Variants in ABCB6 observed in about 807,000 individuals in gnomAD.
ABCB6 encodes the protein ATP binding cassette subfamily B member 6 (LAN blood group).
In ABCB6, 87 loss-of-function variants were observed where a neutral mutation model predicts 99.4. The ratio of observed to expected loss-of-function variants is 0.88; its 90% CI spans 0.74 to 1.05. The LOEUF is 1.05. ABCB6 is among the 50% of genes least tolerant of loss of function. The pLI is 0.00. For synonymous variants in ABCB6, 482 were observed against 447.5 expected (o/e 1.08, Z -0.97); for missense variants, 1,050 against 1,097.9 (o/e 0.96, Z 0.62).
Position 219,218,591 on chromosome 2 carries a change from A to C in ABCB6, c.83T>G (p.Phe28Cys). 1 of 1,612,596 alleles carries C rather than the reference A, an allele frequency of 6.2e-7. No individual in the cohort carries two copies. Among genetic ancestry groups the C allele is most frequent in the South Asian group, 1.1e-5 (1 of 91,048 alleles). Residue 28 changes from phenylalanine (F) to cysteine (C), a missense_variant, in exon 1 of 19, where the codon TTC becomes TGC. Transcript: ENST00000265316. The part of the protein sequence containing the change: ...WMQDGLSPCF[F>C]FTLVPSTRMA... The stretch of plus-strand genomic sequence containing the variant: ...CCGCGTCGAGGGCACGAGCGTGAAG[A>C]AGAAGCAGGGACTCAGGCCATCCTG...
At chr2:219,218,058 T>G (rs1950668185) in intron 1 of ABCB6, 67 bp downstream of exon 1, 1 of 1,519,546 alleles carries the variant, frequency 6.6e-7, no homozygotes, top group African/African-American at 1.4e-5. Context: ...GCAGTGTGAC[T>G]GGACATGCAG....
At position 219,218,901 on chromosome 2, in the gene ABCB6, C is replaced by T. The variant is rs1167614887; in HGVS notation, c.-228G>A. Reference sequence around the variant, plus strand: ...ACGCAGGGCACGTACGCCGTCTCAGCACGGCCCCGCTGGCTCTGGGCCCGG... The same window carrying T: ...ACGCAGGGCACGTACGCCGTCTCAGTACGGCCCCGCTGGCTCTGGGCCCGG... On this transcript the variant is annotated 5_prime_UTR_variant, in exon 1 of 19. Coordinates refer to ENST00000265316, the MANE Select transcript of ABCB6 (RefSeq NM_005689.4). 4 of 505,038 alleles carry T rather than the reference C, an allele frequency of 7.9e-6. No individual in the cohort carries two copies. Among genetic ancestry groups the T allele is most frequent in the Non-Finnish European group, 1.4e-5 (4 of 291,198 alleles). The allele number at this position is 505,038 out of a possible 1,614,324, so 31.3% of individuals were successfully genotyped here.
rs1347916690 is a variant in ABCB6, at chr2:219,218,766, T to C, written c.-93A>G. The C allele has an allele frequency of 2.2e-6, 3 of 1,359,092 alleles. No homozygotes were observed. Among genetic ancestry groups the C allele is most frequent in the Non-Finnish European group, 2.9e-6 (3 of 1,026,488 alleles). 84.2% of individuals were successfully genotyped at this position (1,359,092 alleles called of 1,614,324 possible). A position where few individuals can be genotyped will look rare whatever the true frequency, so the allele number is the denominator to read the frequency against. On this transcript the variant is annotated 5_prime_UTR_variant, in exon 1 of 19. Coordinates refer to ENST00000265316, the MANE Select transcript of ABCB6 (RefSeq NM_005689.4). ...AGAGGGGCGCGGACATCCGGGTGCC[T>C]TGGCTCACGTAGCCGCTGGGCGCCA...
In ABCB6 at chr2:219,218,572, C is replaced by T. The variant is rs747508654; in HGVS notation, c.102G>A (p.Ser34=). ...SPCFFFTLVP[S]TRMALGTLAL... is the part of the protein sequence containing the mutation. The stretch of plus-strand genomic sequence containing the variant: ...CCAGAGTCCCCAGAGCCATCCGCGT[C>T]GAGGGCACGAGCGTGAAGAAGAAGC... The change falls in exon 1 of 19, where the codon TCG becomes TCA. Residue 34 remains serine (S), a synonymous_variant. Coordinates refer to ENST00000265316, the MANE Select transcript of ABCB6 (RefSeq NM_005689.4). 6.2e-7 allele frequency: 1 copy of T among 1,612,620 alleles called. No individual in the cohort carries two copies. Among genetic ancestry groups the T allele is most frequent in the Non-Finnish European group, 8.5e-7 (1 of 1,179,702 alleles).
intron 2 of ABCB6, 22 bp downstream of exon 2, chr2:219,217,648 A>C: frequency 6.3e-7 from 1 of 1,576,610 alleles, no homozygotes; most frequent in Non-Finnish European, 8.6e-7. Flanking sequence ...GTCTCCAAAA[A>C]AAAAAAGAAA....
intron 1 of ABCB6, 43 bp from the exon 2 acceptor site, chr2:219,217,850 A>G (rs1352727286): frequency 6.3e-7 from 1 of 1,597,092 alleles, no homozygotes; most frequent in Non-Finnish European, 8.5e-7. Context: ...TGAGGATAAA[A>G]TTTCATTGTA....
At position 219,217,724 on chromosome 2, in the gene ABCB6, G is replaced by C. The variant is rs200655155; in HGVS notation, c.633C>G (p.Pro211=). Residue 211 remains proline (P), a synonymous_variant, in exon 2 of 19, where the codon CCC becomes CCG. Transcript: ENST00000265316. ...VLGLWAPGLR[P]QSYTLQVHEE... ...CATGAACCTGCAATGTATAGGACTG[G>C]GGACGAAGTCCAGGGGCCCAGAGAC... The C allele has an allele frequency of 1.4e-4, 222 of 1,613,974 alleles. No homozygotes were observed. The highest frequency in any genetic ancestry group is 1.7e-4 in the Non-Finnish European group (197 of 1,179,950).
In ABCB6 at chr2:219,216,702, C is replaced by A. The variant is rs1225134091; in HGVS notation, c.818G>T (p.Gly273Val). Residue 273 changes from glycine to valine, a missense_variant, in exon 3 of 19, where the codon GGT (glycine) becomes GTT (valine). By Grantham distance (109) the Gly-to-Val change is moderately radical. Coordinates refer to ENST00000265316, the MANE Select transcript of ABCB6 (RefSeq NM_005689.4). This position sits in a 1 kb window ranked among gnomAD's most constrained non-coding sequence, Gnocchi z 4.2. The part of the protein sequence containing the change: ...LVVLICLGLM[G>V]LERALNVLVP... ...CAACACATTGAGTGCCCGTTCCAAA[C>A]CCATGAGCCCCAGGCAGATGAGCAC... The A allele has an allele frequency of 1.9e-6, 3 of 1,593,614 alleles. No homozygotes were observed. In the East Asian group the frequency reaches 6.9e-5, roughly 37 times the overall value.
Position 219,218,743 on chromosome 2 carries a change from A to C in ABCB6, c.-70T>G. 6.9e-7 allele frequency: 1 copy of C among 1,451,744 alleles called. No homozygotes were observed. Among genetic ancestry groups the C allele is most frequent in the Non-Finnish European group, 9.1e-7 (1 of 1,098,400 alleles). 89.9% of individuals were successfully genotyped at this position (1,451,744 alleles called of 1,614,324 possible). On this transcript the variant is annotated 5_prime_UTR_variant, in exon 1 of 19. Coordinates refer to ENST00000265316, the MANE Select transcript of ABCB6 (RefSeq NM_005689.4). ...GGAGGCCGGGACTGGTCACTCGGAG[A>C]GGGGCGCGGACATCCGGGTGCCTTG...
At position 219,218,718 on chromosome 2, in the gene ABCB6, G is replaced by T; in HGVS notation, c.-45C>A. On this transcript the variant is annotated 5_prime_UTR_variant, in exon 1 of 19. Coordinates refer to ENST00000265316, the MANE Select transcript of ABCB6 (RefSeq NM_005689.4). The stretch of plus-strand genomic sequence containing the variant: ...CCGAGGCTGCGGGCACTGCGGGACC[G>T]GAGGCCGGGACTGGTCACTCGGAGA... 1 of 1,502,344 alleles carries T rather than the reference G, an allele frequency of 6.7e-7. No individual in the cohort carries two copies. The highest frequency in any genetic ancestry group is 8.9e-7 in the Non-Finnish European group (1 of 1,125,238). The allele number at this position is 1,502,344 out of a possible 1,614,324, so 93.1% of individuals were successfully genotyped here.
In ABCB6 at chr2:219,213,328, T is replaced by C; in HGVS notation, c.1720-2A>G. 6.2e-7 allele frequency: 1 copy of C among 1,614,036 alleles called. No individual in the cohort carries two copies. The highest frequency in any genetic ancestry group is 8.5e-7 in the Non-Finnish European group (1 of 1,180,006). On this transcript the variant is annotated splice_acceptor_variant, in intron 11 of 18. Transcript: ENST00000265316. LOFTEE classifies it high-confidence loss of function. ...CCCTGCTCCAGGAAGGTCCTTCACC[T>C]GGAAGGGCACCACCCATGTGTGCTG...
At position 219,211,089 on chromosome 2, in the gene ABCB6, C is replaced by A. The variant is rs747584957; in HGVS notation, c.1988G>T (p.Arg663Leu). 6.2e-7 allele frequency: 1 copy of A among 1,614,080 alleles called. No individual in the cohort carries two copies. The highest frequency in any genetic ancestry group is 2.2e-5 in the East Asian group (1 of 44,888). Residue 663 changes from arginine (R) to leucine (L), a missense_variant, in exon 15 of 19, where the codon CGG becomes CTG. Transcript: ENST00000265316. ...DISQVTQASLRSHIGVVPQDT... is the reference protein window; with the variant it reads ...DISQVTQASLLSHIGVVPQDT... ...TTGGGGCACAACTCCAATGTGAGAC[C>A]GGAGAGAGGCCTGGGTCACCTAGGG...
At chr2:219,210,661 G>A (rs769957367) in intron 16 of ABCB6, 50 bp downstream of exon 16, 8 of 1,610,850 alleles carry the variant, frequency 5.0e-6, no homozygotes, top group South Asian at 1.1e-5. Flanking sequence ...CAGGAGGAAC[G>A]GCTTGAGCAT....
Position 219,216,325 on chromosome 2 carries a change from G to T in ABCB6, c.970+39C>A. 6.3e-7 allele frequency: 1 copy of T among 1,597,590 alleles called. No homozygotes were observed. The highest frequency in any genetic ancestry group is 8.6e-7 in the Non-Finnish European group (1 of 1,165,274). ...ATGCTGAGGGAATGCCTGTGGGAGG[G>T]ACCTATACCTAGCAGGGTGAGGGCG... On this transcript the variant is annotated intron_variant, in intron 4 of 18. Transcript: ENST00000265316. This position sits in a 1 kb window ranked among gnomAD's most constrained non-coding sequence, Gnocchi z 4.2.
Position 219,216,492 on chromosome 2 carries a change from CT to C in ABCB6, c.869-28del. On this transcript the variant is annotated intron_variant, in intron 3 of 18. Coordinates refer to ENST00000265316, the MANE Select transcript of ABCB6 (RefSeq NM_005689.4). This position sits in a 1 kb window ranked among gnomAD's most constrained non-coding sequence, Gnocchi z 4.2. Reference sequence around the variant, plus strand: ...TGTGGAGGAAACGAGTCAGAACCCACTTATGGCGCCCAGGACTCTCTTCAGG... The same window carrying C: ...TGTGGAGGAAACGAGTCAGAACCCACTATGGCGCCCAGGACTCTCTTCAGG... 3 of 1,608,780 alleles carry C rather than the reference CT, an allele frequency of 1.9e-6. No individual in the cohort carries two copies. The highest frequency in any genetic ancestry group is 2.6e-6 in the Non-Finnish European group (3 of 1,175,552).
intron 6 of ABCB6, 194 bp downstream of exon 6, chr2:219,214,767 T>A (rs984684850): frequency 3.0e-6 from 2 of 671,468 alleles, no homozygotes; most frequent in African/African-American, 3.6e-5. Context: ...AGAATGTCCT[T>A]CCCCAGCCCC....
At chr2:219,214,775 C>T in intron 6 of ABCB6, 186 bp downstream of exon 6, 1 of 687,038 alleles carries the variant, frequency 1.5e-6, no homozygotes, top group Non-Finnish European at 2.4e-6. Flanking sequence ...CTTCCCCAGC[C>T]CCTCAGCTAG....
In ABCB6 at chr2:219,210,780, G is replaced by A. The variant is rs766047272; in HGVS notation, c.2187C>T (p.Gly729=). The A allele has an allele frequency of 7.6e-5, 122 of 1,613,610 alleles. No individual in the cohort carries two copies. The South Asian group carries it at 1.1e-3, about 14-fold the overall frequency. ...QVGERGLKLS[G]GEKQRVAIAR... Reference sequence around the variant, plus strand: ...CAATGGCGACGCGCTGCTTCTCCCCGCCGCTCAGCTTCAGTCCCCGCTCGC... The same window carrying A: ...CAATGGCGACGCGCTGCTTCTCCCCACCGCTCAGCTTCAGTCCCCGCTCGC... The change falls in exon 16 of 19, where the codon GGC becomes GGT. Residue 729 remains glycine (G), a synonymous_variant. Coordinates refer to ENST00000265316, the MANE Select transcript of ABCB6 (RefSeq NM_005689.4).
At chr2:219,214,878 G>T in intron 6 of ABCB6, 83 bp downstream of exon 6, 4 of 1,545,320 alleles carry the variant, frequency 2.6e-6, no homozygotes, top group Non-Finnish European at 2.7e-6. Flanking sequence ...TCCCATAGGT[G>T]GGTCACTTGA....
Sources: allele counts gnomAD v4.1 joint callset, GRCh38; gene constraint gnomAD v4.1.1; non-coding constraint Gnocchi (gnomAD v3.1); transcripts MANE v1.5; gene names NCBI Gene and HGNC (gene_info 2026-07-23, HGNC 2026-07-21).